COL24A1: variants seen among roughly 807,000 people sequenced by gnomAD.
COL24A1 encodes the protein collagen alpha-1(XXIV) chain.
Under a neutral mutation model 253.9 loss-of-function variants are expected in COL24A1, and 224 were observed. The ratio of observed to expected loss-of-function variants is 0.88; its 90% CI spans 0.79 to 0.99. The LOEUF is 0.99. Among genes scored for constraint, COL24A1 ranks in the 50% least tolerant of loss-of-function variants. COL24A1 has a pLI of 0.00. For missense variants in COL24A1, 2,131 were observed against 2,068.5 expected (o/e 1.03, Z -0.59); for synonymous variants, 685 against 673.7 (o/e 1.02, Z -0.26).
chr1:85,810,847 C>T (rs1672460000), intron 47 of COL24A1, among the ~76,000 whole-genome samples: 1 of 152,306 alleles, frequency 6.6e-6, no homozygotes, highest in Admixed American at 6.5e-5. Context: ...AATTAAACCT[C>T]TGTTCTTTAT....
chr1:85,737,175 C>T (rs1039142182), intron 58 of COL24A1, among the ~76,000 whole-genome samples: 4 of 152,042 alleles, frequency 2.6e-5, no homozygotes, highest in African/African-American at 9.7e-5. Flanking sequence ...TAGGGTAAGG[C>T]AAACTAAGCC....
intron 12 of COL24A1, among the ~76,000 whole-genome samples, chr1:86,040,304 C>A (rs1207095514): frequency 6.7e-6 from 1 of 149,132 alleles, no homozygotes; most frequent in Non-Finnish European, 1.5e-5. Flanking sequence ...TTTTTTTTTT[C>A]TTTTCTTAAT....
intron 14 of COL24A1, among the ~76,000 whole-genome samples, chr1:86,026,479 T>C (rs529708354): frequency 2.0e-5 from 3 of 152,200 alleles, no homozygotes; most frequent in Non-Finnish European, 4.4e-5. Context: ...GATGGTTTTA[T>C]AAGCATCTGG....
intron 28 of COL24A1, among the ~76,000 whole-genome samples, chr1:85,898,466 A>G (rs548997024): frequency 4.6e-4 from 70 of 152,302 alleles, no homozygotes; most frequent in Non-Finnish European, 8.2e-4. Flanking sequence ...CTCCGGCCCT[A>G]CAATTTCTAA....
At chr1:85,905,894 G>A (rs1194137404) in intron 28 of COL24A1, among the ~76,000 whole-genome samples, 2 of 151,884 alleles carry the variant, frequency 1.3e-5, no homozygotes, top group African/African-American at 4.8e-5. Context: ...TTTTTCATCT[G>A]TCACAAATTG....
At chr1:86,140,565 T>C (rs1650932500) in intron 2 of COL24A1, among the ~76,000 whole-genome samples, 1 of 152,232 alleles carries the variant, frequency 6.6e-6, no homozygotes, top group Non-Finnish European at 1.5e-5. Flanking sequence ...TTAATTTCTA[T>C]GGGAAATTCT....
rs201899812 is a variant in COL24A1 at position 85,745,511 on chromosome 1, G to A, written c.4438-5C>T. On this transcript the variant is annotated splice_region_variant and splice_polypyrimidine_tract_variant and intron_variant, in intron 55 of 59. Transcript: ENST00000370571. ...AGCATTGATATCCATTTGCTTCTGT[G>A]TAAAACAAAACCATTTGAGATTAGC... 125 of 1,606,808 alleles carry A rather than the reference G, an allele frequency of 7.8e-5. No homozygotes were observed. The highest frequency in any genetic ancestry group is 3.4e-5 in the Admixed American group (2 of 58,946).
Position 86,061,423 on chromosome 1 carries a change from T to C in COL24A1, c.1753-2249A>G, listed in dbSNP as rs149541285. Among the ~76,000 whole-genome samples, 60 of 152,220 alleles carry C rather than the reference T, an allele frequency of 3.9e-4. No homozygotes were observed. In the East Asian group the frequency reaches 9.7e-3, roughly 24 times the overall value. ...AATGAAAACCACCATCCCTTTTCCATTCCTTTCCTAGTCAAATTAAGTTAA... is the reference window on the plus strand; with the variant it reads ...AATGAAAACCACCATCCCTTTTCCACTCCTTTCCTAGTCAAATTAAGTTAA... On this transcript the variant is annotated intron_variant, in intron 8 of 59. Transcript: ENST00000370571.
At chr1:86,041,539 T>G (rs1037688156) in intron 12 of COL24A1, among the ~76,000 whole-genome samples, 1 of 152,132 alleles carries the variant, frequency 6.6e-6, no homozygotes, top group African/African-American at 2.4e-5. Context: ...ATTTCCTGAT[T>G]GTAGCACTAC....
intron 5 of COL24A1, among the ~76,000 whole-genome samples, chr1:86,100,677 A>G (rs1163901954): frequency 6.6e-6 from 1 of 152,106 alleles, no homozygotes; most frequent in East Asian, 1.9e-4. Flanking sequence ...CACACAAATG[A>G]TTAGAGAATG....
intron 34 of COL24A1, 58 bp from the exon 35 acceptor site, chr1:85,874,760 T>C (rs1385315725): frequency 1.9e-6 from 3 of 1,566,534 alleles, no homozygotes; most frequent in Non-Finnish European, 2.6e-6. Flanking sequence ...TGGCTAATTA[T>C]GGAGGGCATG....
chr1:86,030,754 T>C (rs987894497), intron 14 of COL24A1, among the ~76,000 whole-genome samples: 11 of 123,000 alleles, frequency 8.9e-5, no homozygotes, highest in East Asian at 3.9e-4. Context: ...TTCTTTCTTT[T>C]TTTTTTTTTT....
At chr1:86,016,113 C>G (rs994424324) in intron 19 of COL24A1, among the ~76,000 whole-genome samples, 1 of 151,618 alleles carries the variant, frequency 6.6e-6, no homozygotes, top group African/African-American at 2.4e-5. Context: ...GGACTCAAGG[C>G]GATCCTCTCA....
chr1:86,003,019 C>T (rs586634), intron 19 of COL24A1, among the ~76,000 whole-genome samples: 109,388 of 151,720 alleles, frequency 0.72, 40,623 homozygotes, highest in African/African-American at 0.89. Flanking sequence ...CCGCCACTTG[C>T]ATATTTAATC....
chr1:86,145,612 C>T (rs1651768795), intron 2 of COL24A1, among the ~76,000 whole-genome samples: 1 of 151,946 alleles, frequency 6.6e-6, no homozygotes, highest in Non-Finnish European at 1.5e-5. Context: ...ATCATACTAC[C>T]AGAGTAATTA....
chr1:86,016,615 T>A (rs182380450), intron 19 of COL24A1, among the ~76,000 whole-genome samples: 93 of 152,322 alleles, frequency 6.1e-4, no homozygotes, highest in African/African-American at 2.2e-3. Context: ...TAGTAGGATT[T>A]TTTAAAATCC....
chr1:85,765,762 C>T (rs776076002), intron 53 of COL24A1, among the ~76,000 whole-genome samples: 6 of 151,712 alleles, frequency 4.0e-5, no homozygotes, highest in Non-Finnish European at 7.4e-5. Context: ...AATCCTTTGC[C>T]GATATCTGAC....
intron 10 of COL24A1, 96 bp from the exon 11 acceptor site, chr1:86,050,273 T>G (rs1571744289): frequency 2.0e-6 from 2 of 990,116 alleles, no homozygotes; most frequent in Admixed American, 4.2e-5. Flanking sequence ...TTTGTAGTAG[T>G]ACGAAATTAC....
chr1:86,052,101 T>C (rs1465602334), intron 10 of COL24A1, among the ~76,000 whole-genome samples: 1 of 152,070 alleles, frequency 6.6e-6, no homozygotes, highest in Non-Finnish European at 1.5e-5. Context: ...AGTAGTTTTA[T>C]GGATGCAGAG....
Sources: gnomAD v4.1 joint callset for allele counts (sites outside exome capture counted in the v4.1 genomes callset) on GRCh38, gnomAD v4.1.1 for gene constraint, MANE v1.5 for transcripts, NCBI Gene and HGNC (gene_info 2026-07-23, HGNC 2026-07-21) for gene names.